Variants in AUH observed in about 807,000 individuals in gnomAD.
AUH encodes the protein methylglutaconyl-CoA hydratase, mitochondrial.
A neutral mutation model predicts 42.3 loss-of-function variants in AUH; 29 were observed. That is an observed-to-expected ratio of 0.69 (90% CI 0.51 to 0.93). AUH has a LOEUF of 0.93. Among genes scored for constraint, AUH ranks in the 40% least tolerant of loss-of-function variants. The pLI is 0.00. For missense variants in AUH, 452 were observed against 438.1 expected (o/e 1.03, Z -0.28); for synonymous variants, 174 against 166.4 (o/e 1.05, Z -0.35).
chr9:91,312,633 G>A (rs1162090234), intron 4 of AUH, among the ~76,000 whole-genome samples: 2 of 152,236 alleles, frequency 1.3e-5, no homozygotes, highest in Non-Finnish European at 2.9e-5. Context: ...GGCTGTGGTG[G>A]AAGAATTACT....
chr9:91,326,156 A>T (rs756220565), intron 3 of AUH, among the ~76,000 whole-genome samples: 1 of 152,214 alleles, frequency 6.6e-6, no homozygotes, highest in Non-Finnish European at 1.5e-5. Flanking sequence ...GACGAACAAC[A>T]AAGTAAAATT....
intron 6 of AUH, among the ~76,000 whole-genome samples, chr9:91,238,885 T>C (rs1307869633): frequency 2.6e-5 from 4 of 152,234 alleles, no homozygotes; most frequent in African/African-American, 9.6e-5. Context: ...GAACCTTCAA[T>C]GCCATGGGGA....
chr9:91,260,293 C>T (rs1829641919), intron 6 of AUH, among the ~76,000 whole-genome samples: 1 of 152,156 alleles, frequency 6.6e-6, no homozygotes, highest in Admixed American at 6.5e-5. Context: ...ACAATCTCTT[C>T]CTTCTAACTG....
chr9:91,257,100 T>C (rs1023619019), intron 6 of AUH, among the ~76,000 whole-genome samples: 2 of 152,168 alleles, frequency 1.3e-5, no homozygotes, highest in Non-Finnish European at 2.9e-5. Flanking sequence ...GCAGAAACTT[T>C]GCCATAAGGC....
chr9:91,246,893 G>A (rs1424709578), intron 6 of AUH, among the ~76,000 whole-genome samples: 1 of 152,232 alleles, frequency 6.6e-6, no homozygotes, highest in African/African-American at 2.4e-5. Flanking sequence ...TGGAAAGTCT[G>A]GTAGTCCCCA....
intron 3 of AUH, among the ~76,000 whole-genome samples, chr9:91,347,973 T>C (rs1313803127): frequency 6.6e-6 from 1 of 151,824 alleles, no homozygotes; most frequent in Non-Finnish European, 1.5e-5. Context: ...TAAAAAACTT[T>C]TGTTCTTCAA....
intron 3 of AUH, among the ~76,000 whole-genome samples, chr9:91,340,215 T>C (rs1002384635): frequency 6.6e-6 from 1 of 152,164 alleles, no homozygotes; most frequent in Non-Finnish European, 1.5e-5. Context: ...GGACAGTAAC[T>C]ACCTTCTGCA....
chr9:91,240,553 C>A (rs1231159739), intron 6 of AUH, among the ~76,000 whole-genome samples: 2 of 152,086 alleles, frequency 1.3e-5, no homozygotes, highest in Non-Finnish European at 2.9e-5. Context: ...GGAGAAGTTT[C>A]TGTGATGGTG....
At chr9:91,324,036 C>T (rs1455377710) in intron 4 of AUH, among the ~76,000 whole-genome samples, 2 of 152,098 alleles carry the variant, frequency 1.3e-5, no homozygotes, top group African/African-American at 4.8e-5. Context: ...AACCTAGCAT[C>T]ATCTAGATAT....
At chr9:91,271,964 G>A (rs1825170782) in intron 6 of AUH, among the ~76,000 whole-genome samples, 1 of 152,208 alleles carries the variant, frequency 6.6e-6, no homozygotes, top group African/African-American at 2.4e-5. Context: ...TTACAGGCAT[G>A]AGCTACCGTA....
chr9:91,281,132 G>T (rs1825931995), intron 6 of AUH, among the ~76,000 whole-genome samples: 2 of 151,870 alleles, frequency 1.3e-5, no homozygotes, highest in South Asian at 4.2e-4. Context: ...TCTCCTTCTG[G>T]AACACTTGAG....
chr9:91,235,418 G>A (rs73650970), intron 6 of AUH, among the ~76,000 whole-genome samples: 128 of 152,290 alleles, frequency 8.4e-4, no homozygotes, highest in African/African-American at 2.7e-3. Flanking sequence ...GTGAGTGTCC[G>A]ATATTATGAA....
In AUH at chr9:91,298,940, C is replaced by T. The variant is rs778582550; in HGVS notation, c.506-864G>A. ...TGGATTTTAAAAAGGTAATATCGGC[C>T]GGGCGCTGTGGCTCACGCCTGTAAT... is the stretch of plus-strand genomic sequence containing the variant. On this transcript the variant is annotated intron_variant, in intron 4 of 9. Transcript: ENST00000375731. Among the ~76,000 whole-genome samples, 44 of 152,226 alleles carry T rather than the reference C, an allele frequency of 2.9e-4. No homozygotes were observed. The East Asian group carries it at 3.9e-3, about 13-fold the overall frequency.
At chr9:91,247,457 C>T (rs1391678268) in intron 6 of AUH, among the ~76,000 whole-genome samples, 1 of 152,144 alleles carries the variant, frequency 6.6e-6, no homozygotes, top group African/African-American at 2.4e-5. Flanking sequence ...CCTCAATTCC[C>T]AGCCTCTCCA....
intron 6 of AUH, among the ~76,000 whole-genome samples, chr9:91,284,299 T>C (rs1826221898): frequency 6.6e-6 from 1 of 152,154 alleles, no homozygotes. Context: ...TTATAACTTA[T>C]ACAAAAATTA....
intron 4 of AUH, among the ~76,000 whole-genome samples, chr9:91,301,189 G>C (rs1031274196): frequency 7.2e-5 from 11 of 152,200 alleles, no homozygotes; most frequent in Non-Finnish European, 1.2e-4. Context: ...AGCAGAAGCA[G>C]AGAAAGAGTG....
intron 6 of AUH, chr9:91,294,790 G>A (rs1460405310): frequency 4.4e-6 from 2 of 455,210 alleles, no homozygotes; most frequent in East Asian, 6.9e-5. Context: ...CTTCAGTGGA[G>A]GAAGTCACTA....
intron 4 of AUH, among the ~76,000 whole-genome samples, chr9:91,318,662 G>A (rs755469679): frequency 1.3e-5 from 2 of 152,180 alleles, no homozygotes; most frequent in Admixed American, 6.5e-5. Context: ...GACTGACTGC[G>A]ACTGATTTGG....
At chr9:91,346,911 C>T (rs1435577419) in intron 3 of AUH, among the ~76,000 whole-genome samples, 1 of 151,530 alleles carries the variant, frequency 6.6e-6, no homozygotes, top group African/African-American at 2.4e-5. Flanking sequence ...AGGAACAGAC[C>T]AATGGAACAG....
Sources: gnomAD v4.1 joint callset for allele counts (sites outside exome capture counted in the v4.1 genomes callset) on GRCh38, gnomAD v4.1.1 for gene constraint, MANE v1.5 for transcripts, NCBI Gene and HGNC (gene_info 2026-07-23, HGNC 2026-07-21) for gene names.